Variants in ZFR observed in about 807,000 individuals in gnomAD.
The protein encoded by ZFR is zinc finger RNA binding protein, also known as zinc finger RNA-binding protein.
A neutral mutation model predicts 130.7 loss-of-function variants in ZFR; 19 were observed. That is an observed-to-expected ratio of 0.15 (90% CI 0.10 to 0.21). The LOEUF is 0.21. ZFR is among the 10% of genes least tolerant of loss of function. ZFR has a pLI of 1.00. For synonymous variants in ZFR, 466 were observed against 456.9 expected, an observed-to-expected ratio of 1.02 and a Z score of -0.25; for missense variants, 872 against 1,321.5, an observed-to-expected ratio of 0.66 and a Z score of 5.27.
chr5:32,415,288 T>G, intron 4 of ZFR, 101 bp from the exon 5 acceptor site: 1 of 1,032,476 alleles, frequency 9.7e-7, no homozygotes, highest in African/African-American at 1.6e-5. Context: ...CAAACATCAT[T>G]AACTATAAAT....
At position 32,411,706 on chromosome 5, in the gene ZFR, TTGA is replaced by T. The variant is rs1444601270; in HGVS notation, c.784+3260_784+3262del. 3.2e-3 allele frequency among the ~76,000 whole-genome samples: 53 copies of T among 16,540 alleles called. 3 individuals carry two copies. The highest frequency in any genetic ancestry group is 9.8e-3 in the East Asian group (5 of 510). The allele number at this position is 16,540 out of a possible 152,430, so 10.9% of individuals were successfully genotyped here. A position where few individuals can be genotyped will look rare whatever the true frequency, so the allele number is the denominator to read the frequency against. On this transcript the variant is annotated intron_variant, in intron 5 of 19. Coordinates refer to ENST00000265069, the MANE Select transcript of ZFR (RefSeq NM_016107.5). The stretch of plus-strand genomic sequence containing the variant: ...GCTGTCTCAAAAAAAAAAAAAAAAA[TTGA>T]GGGGGGGCGGGGAATAGAAAATATA...
intron 17 of ZFR, among the ~76,000 whole-genome samples, chr5:32,366,648 G>A (rs1752551796): frequency 6.6e-6 from 1 of 151,912 alleles, no homozygotes; most frequent in Non-Finnish European, 1.5e-5. Context: ...ACAGTTAAAA[G>A]AGCAATGAAA....
rs1198391740 is a variant in ZFR, at chr5:32,387,217, T to A, written c.2499+332A>T. On this transcript the variant is annotated intron_variant, in intron 14 of 19. Transcript: ENST00000265069. ...ATTTAACCTTGCTACACATGGGATT[T>A]TTTTTTTAAAAAATCACTTTGTCCT... 3.3e-5 allele frequency among the ~76,000 whole-genome samples: 5 copies of A among 152,236 alleles called. No individual in the cohort carries two copies. In the East Asian group the frequency reaches 9.6e-4, roughly 29 times the overall value.
intron 9 of ZFR, among the ~76,000 whole-genome samples, chr5:32,398,907 C>A (rs1282237020): frequency 6.6e-6 from 1 of 151,892 alleles, no homozygotes; most frequent in Admixed American, 6.6e-5. Context: ...CAATTACAGG[C>A]GTGAGCCACT....
At chr5:32,396,701 G>A (rs892054808) in intron 10 of ZFR, among the ~76,000 whole-genome samples, 1 of 152,022 alleles carries the variant, frequency 6.6e-6, no homozygotes, top group Non-Finnish European at 1.5e-5. Flanking sequence ...CCGAGATCAT[G>A]CCACTGCACT....
chr5:32,398,610 G>C (rs1753371496), intron 9 of ZFR, among the ~76,000 whole-genome samples: 1 of 152,162 alleles, frequency 6.6e-6, no homozygotes, highest in South Asian at 2.1e-4. Context: ...AATTATTTCT[G>C]AACTAATTAT....
intron 15 of ZFR, among the ~76,000 whole-genome samples, chr5:32,384,650 A>C (rs2111721223): frequency 6.6e-6 from 1 of 152,322 alleles, no homozygotes; most frequent in Middle Eastern, 3.4e-3. Context: ...AAGATGTATA[A>C]AAACATGAAA....
At chr5:32,402,495 G>A (rs1158697645) in intron 8 of ZFR, among the ~76,000 whole-genome samples, 2 of 151,996 alleles carry the variant, frequency 1.3e-5, no homozygotes, top group South Asian at 4.1e-4. Flanking sequence ...GCCATGCGTT[G>A]TGGTGCATGC....
chr5:32,438,163 T>G (rs531662727), intron 2 of ZFR, among the ~76,000 whole-genome samples: 53 of 152,124 alleles, frequency 3.5e-4, no homozygotes, highest in African/African-American at 1.2e-3. Flanking sequence ...CTTAATAGAT[T>G]TGGTGGCTAT....
At chr5:32,416,290 T>C (rs1007699601) in intron 4 of ZFR, among the ~76,000 whole-genome samples, 1 of 152,210 alleles carries the variant, frequency 6.6e-6, no homozygotes, top group Non-Finnish European at 1.5e-5. Context: ...GGAAGTTTAC[T>C]ATAAATTATT....
intron 17 of ZFR, among the ~76,000 whole-genome samples, chr5:32,367,191 T>C (rs928331655): frequency 2.0e-5 from 3 of 152,210 alleles, no homozygotes; most frequent in Non-Finnish European, 4.4e-5. Context: ...CCCAGCACTT[T>C]GGGAGGTCAA....
At chr5:32,439,314 T>C (rs1754409209) in intron 2 of ZFR, among the ~76,000 whole-genome samples, 2 of 152,258 alleles carry the variant, frequency 1.3e-5, no homozygotes, top group African/African-American at 4.8e-5. Flanking sequence ...TTTTACTTTC[T>C]CAGTGTTTAA....
chr5:32,358,733 G>T (rs1273072134), intron 19 of ZFR, among the ~76,000 whole-genome samples: 1 of 151,690 alleles, frequency 6.6e-6, no homozygotes, highest in Non-Finnish European at 1.5e-5. Flanking sequence ...GGGGAGGGGG[G>T]AAGTTCAGAC....
At chr5:32,407,482 A>C (rs1269316432) in intron 5 of ZFR, among the ~76,000 whole-genome samples, 1 of 151,520 alleles carries the variant, frequency 6.6e-6, no homozygotes, top group Non-Finnish European at 1.5e-5. Flanking sequence ...AGAGGACAAA[A>C]GAGATAAAAG....
intron 9 of ZFR, among the ~76,000 whole-genome samples, chr5:32,398,990 AC>A (rs1394470611): frequency 6.6e-6 from 1 of 151,812 alleles, no homozygotes; most frequent in Non-Finnish European, 1.5e-5. Flanking sequence ...TTTAAAACCT[AC>A]TAGGCTAGGC....
intron 2 of ZFR, among the ~76,000 whole-genome samples, chr5:32,434,614 C>T (rs958044977): frequency 6.6e-6 from 1 of 152,142 alleles, no homozygotes; most frequent in African/African-American, 2.4e-5. Flanking sequence ...TTCCATTTTC[C>T]AATTATATTA....
intron 8 of ZFR, among the ~76,000 whole-genome samples, chr5:32,400,998 T>G (rs1753437499): frequency 6.6e-6 from 1 of 152,242 alleles, no homozygotes; most frequent in Admixed American, 6.5e-5. Context: ...TTTATCACTG[T>G]TTATTTCCTT....
intron 17 of ZFR, 126 bp from the exon 18 acceptor site, chr5:32,364,401 C>A (rs986594043): frequency 1.7e-6 from 1 of 604,612 alleles, no homozygotes; most frequent in East Asian, 3.0e-5. Flanking sequence ...GTCACAAAAA[C>A]AGAAAATAAA....
intron 17 of ZFR, among the ~76,000 whole-genome samples, chr5:32,373,212 G>A (rs2111688503): frequency 6.6e-6 from 1 of 152,260 alleles, no homozygotes; most frequent in South Asian, 2.1e-4. Context: ...GGCCAACATG[G>A]TGAAAACCCA....
Sources: gnomAD v4.1 joint callset for allele counts (sites outside exome capture counted in the v4.1 genomes callset) on GRCh38, gnomAD v4.1.1 for gene constraint, MANE v1.5 for transcripts, NCBI Gene and HGNC (gene_info 2026-07-23, HGNC 2026-07-21) for gene names.